PTPRG: variants seen among roughly 807,000 people sequenced by gnomAD.
PTPRG encodes the protein receptor-type tyrosine-protein phosphatase gamma.
PTPRG carries 102 observed loss-of-function variants against 165.3 expected under a neutral mutation model. That is an observed-to-expected ratio of 0.62 (90% CI 0.53 to 0.73). The LOEUF (loss-of-function observed/expected upper bound fraction) is 0.73. Among genes scored for constraint, PTPRG ranks in the 30% least tolerant of loss-of-function variants. PTPRG has a pLI of 0.00. For missense variants in PTPRG, 1,866 were observed against 1,861.4 expected (o/e 1.00, Z -0.05); for synonymous variants, 675 against 669.5 (o/e 1.01, Z -0.13).
At chr3:61,869,942 T>C (rs1438450939) in intron 2 of PTPRG, among the ~76,000 whole-genome samples, 2 of 151,926 alleles carry the variant, frequency 1.3e-5, no homozygotes, top group East Asian at 3.9e-4. Context: ...TGCTCCTTCT[T>C]GTGATTCGAC....
At chr3:61,654,782 C>CT (rs5849443) in intron 1 of PTPRG, among the ~76,000 whole-genome samples, 116,091 of 129,436 alleles carry the variant, frequency 0.9, 53,036 homozygotes, top group East Asian at 0.97. Flanking sequence ...TGTGCTTTTT[C>CT]TTTTTTTTTT....
chr3:61,847,864 G>A (rs1028517984), intron 2 of PTPRG, among the ~76,000 whole-genome samples: 5 of 152,222 alleles, frequency 3.3e-5, no homozygotes, highest in African/African-American at 9.7e-5. Flanking sequence ...GTCCTGTGAC[G>A]GACGAATTTC....
At chr3:62,090,679 T>A (rs1438613944) in intron 5 of PTPRG, among the ~76,000 whole-genome samples, 1 of 152,196 alleles carries the variant, frequency 6.6e-6, no homozygotes, top group Non-Finnish European at 1.5e-5. Context: ...GTAGGTGATA[T>A]TTACGGACTC....
At chr3:62,212,497 C>T (rs997221490) in intron 12 of PTPRG, among the ~76,000 whole-genome samples, 3 of 152,170 alleles carry the variant, frequency 2.0e-5, no homozygotes, top group Non-Finnish European at 2.9e-5. Flanking sequence ...GTTTATTAAA[C>T]CATGATTTTT....
chr3:61,797,480 C>T (rs1005859997), intron 2 of PTPRG, among the ~76,000 whole-genome samples: 3 of 152,144 alleles, frequency 2.0e-5, no homozygotes, highest in African/African-American at 7.2e-5. Context: ...TTGATACAAA[C>T]ATCACTATGT....
At chr3:61,805,076 C>T (rs2035371990) in intron 2 of PTPRG, among the ~76,000 whole-genome samples, 1 of 152,220 alleles carries the variant, frequency 6.6e-6, no homozygotes, top group Non-Finnish European at 1.5e-5. Context: ...ATCTGCACCA[C>T]TTCTCTGACC....
At chr3:62,115,648 T>G (rs1018056853) in intron 5 of PTPRG, among the ~76,000 whole-genome samples, 2 of 152,032 alleles carry the variant, frequency 1.3e-5, no homozygotes, top group Admixed American at 6.6e-5. Flanking sequence ...TTCTTTTTTT[T>G]TTTTTTAGAG....
At chr3:62,132,724 C>A in intron 6 of PTPRG, 56 bp downstream of exon 6, 1 of 1,439,212 alleles carries the variant, frequency 6.9e-7, no homozygotes, top group Non-Finnish European at 9.8e-7. Flanking sequence ...CAGATCTCTA[C>A]CTAAAAGAAT....
chr3:61,981,824 C>T (rs558702923), intron 2 of PTPRG, among the ~76,000 whole-genome samples: 1 of 152,270 alleles, frequency 6.6e-6, no homozygotes, highest in African/African-American at 2.4e-5. Flanking sequence ...ATCACCACTG[C>T]CATATTCATG....
intron 2 of PTPRG, among the ~76,000 whole-genome samples, chr3:61,756,320 G>A (rs2033632978): frequency 6.6e-6 from 1 of 152,134 alleles, no homozygotes; most frequent in Admixed American, 6.5e-5. Context: ...ACAAATTGTA[G>A]AATAAACTGT....
intron 1 of PTPRG, among the ~76,000 whole-genome samples, chr3:61,748,076 A>T (rs2033282534): frequency 6.6e-6 from 1 of 152,176 alleles, no homozygotes; most frequent in African/African-American, 2.4e-5. Flanking sequence ...TGCTTGGTGG[A>T]TTGAAATGAT....
At chr3:61,765,315 C>T (rs968251208) in intron 2 of PTPRG, among the ~76,000 whole-genome samples, 1 of 152,148 alleles carries the variant, frequency 6.6e-6, no homozygotes, top group Non-Finnish European at 1.5e-5. Flanking sequence ...AAAAGCCTAC[C>T]TCGTAATGTC....
intron 1 of PTPRG, among the ~76,000 whole-genome samples, chr3:61,673,358 A>G (rs778083202): frequency 6.6e-6 from 1 of 152,192 alleles, no homozygotes; most frequent in Non-Finnish European, 1.5e-5. Context: ...GTAAATAACA[A>G]AGAGCCTGAA....
chr3:62,058,721 C>G (rs796116385), intron 4 of PTPRG, among the ~76,000 whole-genome samples: 5 of 152,230 alleles, frequency 3.3e-5, no homozygotes, highest in African/African-American at 1.2e-4. Context: ...AGGTTGAATT[C>G]AGTGTTGATA....
In PTPRG at chr3:62,167,965, G is replaced by C. The variant is rs369392597; in HGVS notation, c.841-6G>C. On this transcript the variant is annotated splice_polypyrimidine_tract_variant and splice_region_variant and intron_variant, in intron 7 of 29. Coordinates refer to ENST00000474889, the MANE Select transcript of PTPRG (RefSeq NM_002841.4). ...TTCCCCCTCCCCTCTCTGGTCCTCT[G>C]TTCAGCTTGAGGCTTTTTATTCCAT... 9.4e-5 allele frequency: 152 copies of C among 1,608,692 alleles called. 2 individuals carry two copies. The African/African-American group carries it at 1.7e-3, about 18-fold the overall frequency.
intron 4 of PTPRG, among the ~76,000 whole-genome samples, chr3:62,066,672 T>C (rs1701023321): frequency 6.6e-6 from 1 of 152,182 alleles, no homozygotes. Flanking sequence ...AAGGAAACGT[T>C]GTTTCATTAG....
intron 2 of PTPRG, among the ~76,000 whole-genome samples, chr3:61,962,341 T>G (rs750141727): frequency 6.6e-6 from 1 of 152,194 alleles, no homozygotes; most frequent in Non-Finnish European, 1.5e-5. Context: ...GGTAGTCAGG[T>G]AGTCAGGTTC....
At position 62,097,931 on chromosome 3, in the gene PTPRG, T is replaced by G. The variant is rs541457429; in HGVS notation, c.615+19673T>G. Among the ~76,000 whole-genome samples, 172 of 152,284 alleles carry G rather than the reference T, an allele frequency of 1.1e-3. 1 individual carries two copies. Among genetic ancestry groups the G allele is most frequent in the African/African-American group, 4.0e-3 (168 of 41,568 alleles). On this transcript the variant is annotated intron_variant, in intron 5 of 29. Transcript: ENST00000474889. ...TATGATGTTAAGAAATTAACTTGAG[T>G]TATTAAAGCGGCAAGTATGTTAGAC...
At chr3:62,027,875 T>C (rs926016498) in intron 4 of PTPRG, among the ~76,000 whole-genome samples, 4 of 152,236 alleles carry the variant, frequency 2.6e-5, no homozygotes, top group Admixed American at 6.5e-5. Context: ...TGTGTTTCAG[T>C]AAGTAATTTT....
Sources: gnomAD v4.1 joint callset for allele counts (sites outside exome capture counted in the v4.1 genomes callset) on GRCh38, gnomAD v4.1.1 for gene constraint, MANE v1.5 for transcripts, NCBI Gene and HGNC (gene_info 2026-07-23, HGNC 2026-07-21) for gene names.